AGBL1: variants seen among roughly 807,000 people sequenced by gnomAD.
AGBL1 encodes the protein cytosolic carboxypeptidase 4.
In AGBL1, 130 loss-of-function variants were observed where a neutral mutation model predicts 118.9. The observed-to-expected ratio is 1.09, with a 90% confidence interval of 0.95 to 1.26. AGBL1 has a LOEUF of 1.26. Among genes scored for constraint, AGBL1 ranks in the 50% most tolerant of loss-of-function variants. The pLI, the probability that AGBL1 is intolerant of heterozygous loss-of-function variation, is 0.00. For synonymous variants in AGBL1, 555 were observed against 478.9 expected (o/e 1.16, Z -2.08); for missense variants, 1,584 against 1,298.1 (o/e 1.22, Z -3.38).
chr15:86,492,393 C>A (rs1450421559), intron 18 of AGBL1, among the ~76,000 whole-genome samples: 1 of 151,818 alleles, frequency 6.6e-6, no homozygotes, highest in Admixed American at 6.6e-5. Context: ...AGTTCAAGAC[C>A]AGTGTGGCCA....
chr15:86,719,223 C>A (rs1270152105), intron 22 of AGBL1, among the ~76,000 whole-genome samples: 1 of 152,076 alleles, frequency 6.6e-6, no homozygotes, highest in African/African-American at 2.4e-5. Context: ...CTTTTTCTTC[C>A]CCCAGTTGAC....
intron 17 of AGBL1, among the ~76,000 whole-genome samples, chr15:86,346,902 G>A (rs1820905641): frequency 6.6e-6 from 1 of 152,198 alleles, no homozygotes; most frequent in South Asian, 2.1e-4. Context: ...AGCACTGGCT[G>A]TTTTGTGTTG....
intron 24 of AGBL1, among the ~76,000 whole-genome samples, chr15:87,023,959 C>T (rs574961659): frequency 7.9e-5 from 12 of 152,078 alleles, no homozygotes; most frequent in Admixed American, 6.6e-4. Flanking sequence ...CACAACCTAT[C>T]AAAACCTCTG....
chr15:86,295,523 G>A, intron 17 of AGBL1, 115 bp downstream of exon 17: 1 of 1,096,628 alleles, frequency 9.1e-7, no homozygotes, highest in Non-Finnish European at 1.3e-6. Flanking sequence ...GAGACTGTCT[G>A]TCTTTGTAGA....
At chr15:86,920,740 T>C (rs532391165), downstream of AGBL1, among the ~76,000 whole-genome samples, 12 of 152,232 alleles carry the variant, frequency 7.9e-5, no homozygotes, top group Non-Finnish European at 1.6e-4. Flanking sequence ...ATTGATGTAG[T>C]ATACACAGCT....
chr15:86,362,780 C>T (rs1207922639), intron 17 of AGBL1, among the ~76,000 whole-genome samples: 3 of 152,160 alleles, frequency 2.0e-5, no homozygotes, highest in Non-Finnish European at 4.4e-5. Flanking sequence ...TCAAGATCTG[C>T]AGTAGGGACC....
chr15:86,723,222 C>T (rs2142727571), intron 22 of AGBL1, among the ~76,000 whole-genome samples: 1 of 152,312 alleles, frequency 6.6e-6, no homozygotes, highest in East Asian at 1.9e-4. Context: ...TATTGTGGCA[C>T]TATTCACAAT....
At chr15:86,950,055 A>T (rs1447352758) in intron 23 of AGBL1, among the ~76,000 whole-genome samples, 1 of 152,066 alleles carries the variant, frequency 6.6e-6, no homozygotes, top group Non-Finnish European at 1.5e-5. Context: ...GGGGTGAAAT[A>T]AATCAACCTG....
rs938581949 is a variant in AGBL1 at position 86,610,369 on chromosome 15, C to A, written c.2994+55832C>A. Among the ~76,000 whole-genome samples the A allele has an allele frequency of 5.3e-5, 8 of 152,156 alleles. No homozygotes were observed. The East Asian group carries it at 1.3e-3, about 26-fold the overall frequency. ...ACAAAAGTTTAAGATTAAGCAACATCAAATACTTCAAGAAAAATTAAAATT... is the reference window on the plus strand; with the variant it reads ...ACAAAAGTTTAAGATTAAGCAACATAAAATACTTCAAGAAAAATTAAAATT... On this transcript the variant is annotated intron_variant, in intron 21 of 22. Coordinates refer to ENST00000614907, the MANE Select transcript of AGBL1 (RefSeq NM_001386094.1).
intron 21 of AGBL1, among the ~76,000 whole-genome samples, chr15:86,633,804 TATATATA>T: frequency 3.5e-4 from 2 of 5,718 alleles, no homozygotes; most frequent in Non-Finnish European, 9.1e-4. Flanking sequence ...ATAATGTATA[TATATATA>T]ATGTATGTAT....
At chr15:86,582,205 T>C (rs1168745645) in intron 21 of AGBL1, among the ~76,000 whole-genome samples, 3 of 152,186 alleles carry the variant, frequency 2.0e-5, no homozygotes, top group Non-Finnish European at 4.4e-5. Flanking sequence ...TTACAAAGGT[T>C]TAGTTTCTCA....
chr15:87,025,623 A>C (rs1339666042), intron 24 of AGBL1, among the ~76,000 whole-genome samples: 1 of 152,038 alleles, frequency 6.6e-6, no homozygotes, highest in Non-Finnish European at 1.5e-5. Context: ...TACCACCATC[A>C]TTCTTCACAC....
chr15:86,864,034 C>T (rs2079593701), intron 22 of AGBL1, among the ~76,000 whole-genome samples: 1 of 152,164 alleles, frequency 6.6e-6, no homozygotes, highest in Non-Finnish European at 1.5e-5. Flanking sequence ...TGCTTGTCCC[C>T]AGTGAAGGCA....
At chr15:86,390,775 T>C (rs914392069) in intron 17 of AGBL1, among the ~76,000 whole-genome samples, 2 of 147,496 alleles carry the variant, frequency 1.4e-5, no homozygotes, top group African/African-American at 5.0e-5. Flanking sequence ...GTTCTAGCGA[T>C]TCTCCTGCCT....
intron 22 of AGBL1, among the ~76,000 whole-genome samples, chr15:86,782,700 A>G (rs1311985285): frequency 1.3e-5 from 2 of 152,160 alleles, no homozygotes; most frequent in Non-Finnish European, 2.9e-5. Flanking sequence ...CGATCAAGGT[A>G]GGGATAGGTG....
At chr15:86,787,402 C>G (rs1006402157) in intron 22 of AGBL1, among the ~76,000 whole-genome samples, 1 of 152,102 alleles carries the variant, frequency 6.6e-6, no homozygotes, top group Non-Finnish European at 1.5e-5. Context: ...AATTTGTACC[C>G]TTAAATCTAT....
chr15:86,618,958 G>A (rs2084767472), intron 21 of AGBL1, among the ~76,000 whole-genome samples: 1 of 151,938 alleles, frequency 6.6e-6, no homozygotes, highest in African/African-American at 2.4e-5. Flanking sequence ...AAAAAATGTA[G>A]GCAGTAACTA....
chr15:86,082,449 C>G (rs1849433941), intron 1 of AGBL1, among the ~76,000 whole-genome samples: 2 of 152,178 alleles, frequency 1.3e-5, no homozygotes, highest in Non-Finnish European at 2.9e-5. Context: ...GAGCTTAGGT[C>G]TCAGTTCCCA....
chr15:86,958,963 T>C (rs1161835943), intron 23 of AGBL1, among the ~76,000 whole-genome samples: 2 of 152,122 alleles, frequency 1.3e-5, no homozygotes, highest in African/African-American at 4.8e-5. Flanking sequence ...ACCATATATT[T>C]GAAATGTTAA....
Sources: allele counts gnomAD v4.1 joint callset (sites outside exome capture counted in the v4.1 genomes callset), GRCh38; gene constraint gnomAD v4.1.1; transcripts MANE v1.5; gene names NCBI Gene and HGNC (gene_info 2026-07-23, HGNC 2026-07-21).